The following CPNE8 variants were observed in gnomAD, a reference collection of about 807,000 sequenced individuals.
CPNE8 encodes copine 8.
CPNE8 carries 45 observed loss-of-function variants against 81.5 expected under a neutral mutation model. The observed-to-expected ratio is 0.55, with a 90% CI of 0.44 to 0.71. The LOEUF (loss-of-function observed/expected upper bound fraction) is 0.71. Among genes scored for constraint, CPNE8 ranks in the 30% least tolerant of loss-of-function variants. The pLI, the probability that CPNE8 is intolerant of heterozygous loss-of-function variation, is 0.00. For missense variants in CPNE8, 594 were observed against 672.1 expected (o/e 0.88, Z 1.28); for synonymous variants, 252 against 226.3 (o/e 1.11, Z -1.02).
rs756956386 is a variant in CPNE8 at position 38,848,601 on chromosome 12, A to G, written c.248T>C (p.Leu83Pro). 11 of 1,595,606 alleles carry G rather than the reference A, an allele frequency of 6.9e-6. No homozygotes were observed. Among genetic ancestry groups the G allele is most frequent in the Non-Finnish European group, 8.5e-6 (10 of 1,175,072 alleles). The stretch of plus-strand genomic sequence containing the variant: ...CTCTCTTTCTTCAAAAAAGTAGTCC[A>G]GAATAAACTTTCTTACAAAATCAGG... ...LNPDFVRKFI[L>P]DYFFEERENL... The change falls in exon 4 of 20, where the codon CTG becomes CCG. Residue 83 changes from leucine to proline, a missense_variant. Coordinates refer to ENST00000331366, the MANE Select transcript of CPNE8 (RefSeq NM_153634.3).
chr12:38,799,383 T>A (rs1277985034), intron 6 of CPNE8, among the ~76,000 whole-genome samples: 1 of 151,960 alleles, frequency 6.6e-6, no homozygotes, highest in Non-Finnish European at 1.5e-5. Flanking sequence ...GAACTCAGGA[T>A]TAAGAAACTC....
At chr12:38,879,362 T>C (rs1297641023) in intron 1 of CPNE8, among the ~76,000 whole-genome samples, 2 of 151,850 alleles carry the variant, frequency 1.3e-5, no homozygotes, top group African/African-American at 4.8e-5. Context: ...TTTTTCTCCC[T>C]CCTCGAATTG....
At chr12:38,879,461 A>C (rs571165364) in intron 1 of CPNE8, among the ~76,000 whole-genome samples, 1 of 152,312 alleles carries the variant, frequency 6.6e-6, no homozygotes, top group Non-Finnish European at 1.5e-5. Context: ...ATTTTTAAAA[A>C]GCTAAGTATT....
intron 16 of CPNE8, among the ~76,000 whole-genome samples, chr12:38,680,409 CTAAG>C (rs938761695): frequency 6.6e-5 from 10 of 152,006 alleles, no homozygotes; most frequent in African/African-American, 2.2e-4. Context: ...TTTTATGTTA[CTAAG>C]TGTCACCCCA....
intron 10 of CPNE8, among the ~76,000 whole-genome samples, chr12:38,750,398 C>G (rs750227511): frequency 1.3e-5 from 2 of 152,126 alleles, no homozygotes; most frequent in Admixed American, 6.5e-5. Flanking sequence ...CTGCTGAGAG[C>G]TTGCACCTTG....
intron 6 of CPNE8, among the ~76,000 whole-genome samples, chr12:38,787,249 T>G (rs1330571449): frequency 1.3e-5 from 2 of 151,988 alleles, no homozygotes; most frequent in East Asian, 1.9e-4. Flanking sequence ...GAAATAATAT[T>G]AAGCATTTTC....
intron 13 of CPNE8, among the ~76,000 whole-genome samples, chr12:38,705,361 T>C (rs1940078461): frequency 6.6e-6 from 1 of 152,150 alleles, no homozygotes; most frequent in African/African-American, 2.4e-5. Flanking sequence ...AAGACCTAAA[T>C]ACAATGCAGG....
In CPNE8 at chr12:38,793,138, G is replaced by A. The variant is rs73089548; in HGVS notation, c.408-16837C>T. Among the ~76,000 whole-genome samples, 538 of 151,978 alleles carry A rather than the reference G, an allele frequency of 3.5e-3. 1 individual carries two copies. Among genetic ancestry groups the A allele is most frequent in the Middle Eastern group, 0.027 (8 of 294 alleles). ...CCATTGTAGTCAATGGTGAAAGACTGAAAGACTTTCCTCTAAGATCAAGAG... is the reference window on the plus strand; with the variant it reads ...CCATTGTAGTCAATGGTGAAAGACTAAAAGACTTTCCTCTAAGATCAAGAG... On this transcript the variant is annotated intron_variant, in intron 6 of 19. Coordinates refer to ENST00000331366, the MANE Select transcript of CPNE8 (RefSeq NM_153634.3).
intron 19 of CPNE8, among the ~76,000 whole-genome samples, chr12:38,657,339 T>C (rs1477803180): frequency 6.6e-6 from 1 of 152,112 alleles, no homozygotes; most frequent in Admixed American, 6.5e-5. Flanking sequence ...GTGTCCACCA[T>C]TGCTGAGGCT....
intron 19 of CPNE8, among the ~76,000 whole-genome samples, chr12:38,664,961 A>G (rs945236992): frequency 1.3e-5 from 2 of 152,164 alleles, no homozygotes. Flanking sequence ...TAGGATTAAA[A>G]AAAAGTCACT....
chr12:38,680,131 T>C (rs1939378322), intron 16 of CPNE8, among the ~76,000 whole-genome samples: 1 of 151,938 alleles, frequency 6.6e-6, no homozygotes. Context: ...GCAGTACAAT[T>C]CAAACACATT....
At chr12:38,837,581 GA>G (rs796998614) in intron 5 of CPNE8, among the ~76,000 whole-genome samples, 10 of 152,208 alleles carry the variant, frequency 6.6e-5, no homozygotes, top group African/African-American at 2.4e-4. Flanking sequence ...TTAGGGATAA[GA>G]GGAGGAAATA....
intron 14 of CPNE8, among the ~76,000 whole-genome samples, chr12:38,700,586 T>C (rs57501178): frequency 0.055 from 8,432 of 152,042 alleles, 508 homozygotes; most frequent in East Asian, 0.32. Flanking sequence ...CACCGGACTT[T>C]GTAAAATGCT....
At chr12:38,795,515 T>C (rs375845568) in intron 6 of CPNE8, among the ~76,000 whole-genome samples, 5 of 152,166 alleles carry the variant, frequency 3.3e-5, no homozygotes, top group African/African-American at 1.2e-4. Flanking sequence ...AAATGTGGTA[T>C]ATACATAGGA....
chr12:38,815,520 A>G (rs963410276), intron 6 of CPNE8, among the ~76,000 whole-genome samples: 2 of 152,190 alleles, frequency 1.3e-5, no homozygotes, highest in Non-Finnish European at 2.9e-5. Flanking sequence ...AAGCAGATGC[A>G]TTTATCTTTC....
chr12:38,898,411 A>G (rs917249288), intron 1 of CPNE8, among the ~76,000 whole-genome samples: 5 of 152,124 alleles, frequency 3.3e-5, no homozygotes, highest in Non-Finnish European at 5.9e-5. Context: ...GCTAAGACAA[A>G]CCTAAATATG....
At chr12:38,661,908 AAC>A (rs1308142859) in intron 19 of CPNE8, among the ~76,000 whole-genome samples, 2 of 152,030 alleles carry the variant, frequency 1.3e-5, no homozygotes, top group African/African-American at 2.4e-5. Flanking sequence ...AAAAAAAAAA[AAC>A]ACATGATCTC....
chr12:38,689,292 G>A (rs1939614756), intron 15 of CPNE8, among the ~76,000 whole-genome samples: 1 of 152,162 alleles, frequency 6.6e-6, no homozygotes, highest in Non-Finnish European at 1.5e-5. Context: ...GGGGAGGAGT[G>A]CCCAGCTCTT....
intron 5 of CPNE8, among the ~76,000 whole-genome samples, chr12:38,835,846 A>T (rs1943370617): frequency 6.6e-6 from 1 of 152,194 alleles, no homozygotes; most frequent in Non-Finnish European, 1.5e-5. Flanking sequence ...TGTACAAAAT[A>T]ATCCAGTGAC....
Sources: gnomAD v4.1 joint callset for allele counts (sites outside exome capture counted in the v4.1 genomes callset) on GRCh38, gnomAD v4.1.1 for gene constraint, MANE v1.5 for transcripts, NCBI Gene and HGNC (gene_info 2026-07-23, HGNC 2026-07-21) for gene names.